The following RPA1 variants were observed in gnomAD, a reference collection of about 807,000 sequenced individuals.
The protein encoded by RPA1 is replication protein A1.
RPA1 carries 49 observed loss-of-function variants against 83.0 expected under a neutral mutation model. The ratio of observed to expected loss-of-function variants is 0.59; its 90% CI spans 0.47 to 0.75. RPA1 has a LOEUF of 0.75. RPA1 is among the 30% of genes least tolerant of loss of function. RPA1 has a pLI of 0.00. For synonymous variants in RPA1, 279 were observed against 281.8 expected, an observed-to-expected ratio of 0.99 and a Z score of 0.10; for missense variants, 693 against 776.1, an observed-to-expected ratio of 0.89 and a Z score of 1.27.
intron 5 of RPA1, among the ~76,000 whole-genome samples, chr17:1,864,929 G>GCCCA (rs1219327736): frequency 2.0e-5 from 3 of 152,116 alleles, no homozygotes; most frequent in African/African-American, 7.2e-5. Context: ...AATTAGTTGG[G>GCCCA]CGTGGTGGTT....
Position 1,898,198 on chromosome 17 carries a change from A to C in RPA1, c.*1023A>C, listed in dbSNP as rs988676225. 6.6e-6 allele frequency: 1 copy of C among 152,208 alleles called. No individual in the cohort carries two copies. The highest frequency in any genetic ancestry group is 1.5e-5 in the Non-Finnish European group (1 of 68,046). 9.4% of individuals were successfully genotyped at this position (152,208 alleles called of 1,614,324 possible). A position where few individuals can be genotyped will look rare whatever the true frequency, so the allele number is the denominator to read the frequency against. Reference sequence around the variant, plus strand: ...CCGAAGATTAGTCCAAGGCATGGAGATCCTTCTTCCTAGTGTTTGCAGCCC... The same window carrying C: ...CCGAAGATTAGTCCAAGGCATGGAGCTCCTTCTTCCTAGTGTTTGCAGCCC... On this transcript the variant is annotated 3_prime_UTR_variant, in exon 17 of 17. Transcript: ENST00000254719.
intron 1 of RPA1, among the ~76,000 whole-genome samples, chr17:1,840,430 G>A (rs1413852229): frequency 2.6e-5 from 4 of 152,120 alleles, no homozygotes; most frequent in Non-Finnish European, 5.9e-5. Flanking sequence ...GGGACTACAG[G>A]CACGTCCCAC....
At chr17:1,842,774 C>G (rs749035478) in intron 1 of RPA1, 29 bp from the exon 2 acceptor site, 1 of 1,605,580 alleles carries the variant, frequency 6.2e-7, no homozygotes, top group Non-Finnish European at 8.5e-7. Context: ...GAGTGCGTAT[C>G]TCACACAAAC....
At chr17:1,873,509 G>A (rs1913453698) in intron 6 of RPA1, among the ~76,000 whole-genome samples, 1 of 152,086 alleles carries the variant, frequency 6.6e-6, no homozygotes, top group Admixed American at 6.5e-5. Context: ...TCAGTGCTAA[G>A]ATTCTGAGAA....
At chr17:1,858,593 A>G (rs1912813274) in intron 5 of RPA1, 1 of 613,090 alleles carries the variant, frequency 1.6e-6, no homozygotes, top group South Asian at 1.9e-5. Flanking sequence ...CCTCCTGAGT[A>G]GCTGGGACTA....
chr17:1,842,436 T>G (rs1409705263), intron 1 of RPA1, among the ~76,000 whole-genome samples: 1 of 152,224 alleles, frequency 6.6e-6, no homozygotes, highest in Non-Finnish European at 1.5e-5. Flanking sequence ...ATTTATCCAC[T>G]TTATCTTGGT....
At chr17:1,868,572 A>C (rs1470048757) in intron 5 of RPA1, among the ~76,000 whole-genome samples, 1 of 152,112 alleles carries the variant, frequency 6.6e-6, no homozygotes, top group Non-Finnish European at 1.5e-5. Flanking sequence ...GGAGTTCGAG[A>C]CCAGCCTGGC....
chr17:1,855,882 G>A (rs183584485), intron 5 of RPA1, among the ~76,000 whole-genome samples: 1 of 151,824 alleles, frequency 6.6e-6, no homozygotes, highest in East Asian at 1.9e-4. Flanking sequence ...AGAGATACAG[G>A]GTTATTCAAG....
intron 5 of RPA1, among the ~76,000 whole-genome samples, chr17:1,857,274 T>G (rs1265284351): frequency 6.6e-5 from 10 of 151,134 alleles, no homozygotes; most frequent in Non-Finnish European, 1.2e-4. Context: ...TTTCTTTTTT[T>G]TTTTTCAAAG....
intron 7 of RPA1, 107 bp downstream of exon 7, chr17:1,875,900 C>A (rs1295280314): frequency 1.8e-6 from 2 of 1,113,326 alleles, no homozygotes; most frequent in Non-Finnish European, 2.4e-6. Flanking sequence ...CACCAAATAC[C>A]ACCAAATAGA....
intron 6 of RPA1, among the ~76,000 whole-genome samples, chr17:1,873,465 T>G (rs1472475837): frequency 1.3e-5 from 2 of 152,110 alleles, no homozygotes; most frequent in South Asian, 4.1e-4. Context: ...CACATACACC[T>G]CCTCTCCTCC....
intron 4 of RPA1, among the ~76,000 whole-genome samples, chr17:1,846,311 CTTTTTT>C (rs71150823): frequency 3.0e-4 from 23 of 75,802 alleles, no homozygotes; most frequent in Admixed American, 1.2e-3. Flanking sequence ...GGAAGCTTTG[CTTTTTT>C]TTTTTTTTTT....
intron 4 of RPA1, among the ~76,000 whole-genome samples, chr17:1,847,628 TATGCTTTTATTTCTGA>T: frequency 6.6e-6 from 1 of 152,360 alleles, no homozygotes; most frequent in East Asian, 1.9e-4. Context: ...TTAACGTGTT[TATGCTTTTATTTCTGA>T]ATAACAGATC....
intron 1 of RPA1, among the ~76,000 whole-genome samples, chr17:1,836,771 C>T (rs865839118): frequency 2.7e-4 from 41 of 151,646 alleles, no homozygotes; most frequent in African/African-American, 9.0e-4. Context: ...AAGAGATCCT[C>T]GCACCTCAGC....
At chr17:1,864,898 C>CA (rs992582422) in intron 5 of RPA1, among the ~76,000 whole-genome samples, 2 of 152,052 alleles carry the variant, frequency 1.3e-5, no homozygotes, top group Admixed American at 6.6e-5. Context: ...AGACTTGTCT[C>CA]AAAAAAATAA....
At chr17:1,870,124 C>T (rs547448711) in intron 5 of RPA1, among the ~76,000 whole-genome samples, 2 of 152,184 alleles carry the variant, frequency 1.3e-5, no homozygotes, top group African/African-American at 2.4e-5. Context: ...TCTAACCCAG[C>T]GTTCTCACCT....
intron 4 of RPA1, among the ~76,000 whole-genome samples, chr17:1,850,691 T>G (rs1912460545): frequency 6.6e-6 from 1 of 151,678 alleles, no homozygotes; most frequent in South Asian, 2.1e-4. Flanking sequence ...AGATGGGGAG[T>G]TCGAGACCAG....
chr17:1,870,272 A>G (rs1329954301), intron 5 of RPA1, among the ~76,000 whole-genome samples: 1 of 152,192 alleles, frequency 6.6e-6, no homozygotes, highest in Non-Finnish European at 1.5e-5. Context: ...CATACGTATT[A>G]CAGGGCTTGA....
At chr17:1,854,950 G>T (rs1004322743) in intron 5 of RPA1, among the ~76,000 whole-genome samples, 1 of 152,156 alleles carries the variant, frequency 6.6e-6, no homozygotes, top group East Asian at 1.9e-4. Context: ...TGATCTCAGG[G>T]AGAAAGCGTT....
Sources: allele counts gnomAD v4.1 joint callset (sites outside exome capture counted in the v4.1 genomes callset), GRCh38; gene constraint gnomAD v4.1.1; transcripts MANE v1.5; gene names NCBI Gene and HGNC (gene_info 2026-07-23, HGNC 2026-07-21).